Variants in TSHZ2 observed in about 807,000 individuals in gnomAD.
TSHZ2 encodes the protein teashirt homolog 2.
TSHZ2 carries 21 observed loss-of-function variants against 74.4 expected under a neutral mutation model. The ratio of observed to expected loss-of-function variants is 0.28; its 90% CI spans 0.20 to 0.41. The LOEUF (loss-of-function observed/expected upper bound fraction) is 0.41, where lower values mean the gene tolerates loss of function less well. Ranked by LOEUF, TSHZ2 falls within the 10% of genes least tolerant of loss-of-function variation. The probability of loss-of-function intolerance (pLI) is 1.00; values close to 1 mark genes in which losing one functional copy is unlikely to be tolerated. For missense variants in TSHZ2, 1,244 were observed against 1,293.5 expected (o/e 0.96, Z 0.59); for synonymous variants, 540 against 515.3 (o/e 1.05, Z -0.65).
chr20:53,133,912 G>T (rs1428217708), intron 1 of TSHZ2, among the ~76,000 whole-genome samples: 1 of 140,186 alleles, frequency 7.1e-6, no homozygotes, highest in African/African-American at 2.7e-5. Flanking sequence ...CCTTGTAAGG[G>T]TTCTTTATAA....
intron 1 of TSHZ2, among the ~76,000 whole-genome samples, chr20:53,114,321 C>T (rs1986612504): frequency 6.6e-6 from 1 of 152,122 alleles, no homozygotes; most frequent in African/African-American, 2.4e-5. Flanking sequence ...GGCTTTGGAA[C>T]TGTGTTTATA....
At chr20:53,421,956 C>T (rs576382744) in intron 2 of TSHZ2, among the ~76,000 whole-genome samples, 3 of 152,224 alleles carry the variant, frequency 2.0e-5, no homozygotes, top group East Asian at 1.9e-4. Flanking sequence ...GCTGGGATTA[C>T]AGGCATGAGC....
chr20:53,397,378 CTCA>C, intron 2 of TSHZ2, among the ~76,000 whole-genome samples: 1 of 152,294 alleles, frequency 6.6e-6, no homozygotes, highest in Middle Eastern at 3.4e-3. Context: ...TGAAAAAATG[CTCA>C]TCATCACTGG....
intron 2 of TSHZ2, among the ~76,000 whole-genome samples, chr20:53,342,500 A>G (rs1253940965): frequency 6.6e-6 from 1 of 152,120 alleles, no homozygotes; most frequent in South Asian, 2.1e-4. Flanking sequence ...ACTGGGGGCA[A>G]TGATTCCTTA....
chr20:53,346,858 C>G (rs1229227758), intron 2 of TSHZ2, among the ~76,000 whole-genome samples: 1 of 152,206 alleles, frequency 6.6e-6, no homozygotes, highest in African/African-American at 2.4e-5. Flanking sequence ...ATACCTGCCC[C>G]CACAGATACA....
intron 2 of TSHZ2, among the ~76,000 whole-genome samples, chr20:53,339,386 G>C (rs1212955033): frequency 6.6e-6 from 1 of 152,108 alleles, no homozygotes; most frequent in Non-Finnish European, 1.5e-5. Context: ...TTTTCTGGTG[G>C]TCAAGGGCCA....
intron 2 of TSHZ2, among the ~76,000 whole-genome samples, chr20:53,383,954 G>C (rs1981951045): frequency 6.6e-6 from 1 of 152,180 alleles, no homozygotes; most frequent in Admixed American, 6.5e-5. Flanking sequence ...AAGTAAGCCA[G>C]ATCCTACTTT....
At chr20:53,026,875 T>G (rs1188086625) in intron 1 of TSHZ2, among the ~76,000 whole-genome samples, 1 of 152,166 alleles carries the variant, frequency 6.6e-6, no homozygotes. Flanking sequence ...TAGTGGCTCA[T>G]GCCTGTAATC....
intron 1 of TSHZ2, among the ~76,000 whole-genome samples, chr20:53,017,856 C>T (rs1379590914): frequency 6.6e-6 from 1 of 152,142 alleles, no homozygotes; most frequent in Non-Finnish European, 1.5e-5. Context: ...TAGTAGTTAC[C>T]TAACATGTCT....
At chr20:53,338,611 GGC>G (rs765762677) in intron 2 of TSHZ2, among the ~76,000 whole-genome samples, 13 of 152,288 alleles carry the variant, frequency 8.5e-5, no homozygotes, top group Non-Finnish European at 1.8e-4. Context: ...ACTGGCATCT[GGC>G]AGATAGACAC....
At chr20:53,468,688 C>CAAAA (rs1158529552) in intron 2 of TSHZ2, among the ~76,000 whole-genome samples, 24 of 65,262 alleles carry the variant, frequency 3.7e-4, no homozygotes, top group East Asian at 5.3e-4. Context: ...CATTACGAGA[C>CAAAA]AAAAAAAAAA....
At chr20:53,128,093 G>A (rs1178304059) in intron 1 of TSHZ2, among the ~76,000 whole-genome samples, 1 of 152,060 alleles carries the variant, frequency 6.6e-6, no homozygotes, top group Non-Finnish European at 1.5e-5. Flanking sequence ...CATCTTGAGG[G>A]TGATTCCTAA....
chr20:53,391,419 A>G (rs1982251300), intron 2 of TSHZ2, among the ~76,000 whole-genome samples: 1 of 151,640 alleles, frequency 6.6e-6, no homozygotes, highest in South Asian at 2.1e-4. Context: ...TGCTGGGATT[A>G]CAGGTGTGAG....
intron 2 of TSHZ2, among the ~76,000 whole-genome samples, chr20:53,334,235 A>AG (rs1486065009): frequency 2.0e-5 from 3 of 152,162 alleles, no homozygotes. Flanking sequence ...AAATAAAGAG[A>AG]GAAAAAAACA....
At chr20:53,207,466 G>A (rs1021570268) in intron 1 of TSHZ2, among the ~76,000 whole-genome samples, 9 of 152,266 alleles carry the variant, frequency 5.9e-5, no homozygotes, top group Admixed American at 5.9e-4. Flanking sequence ...AGAAGCAGGA[G>A]GTCAGTAGAG....
intron 1 of TSHZ2, among the ~76,000 whole-genome samples, chr20:53,160,745 C>CAAAAAAAAAAAAAAAAAAAAAAAAAAAAA (rs10653039): frequency 1.0e-4 from 10 of 95,828 alleles, no homozygotes; most frequent in African/African-American, 4.2e-4. Flanking sequence ...ACTCTGTCTC[C>CAAAAAAAAAAAAAAAAAAAAAAAAAAAAA]AAAAAAAAAA....
chr20:53,403,860 C>T (rs1224864089), intron 2 of TSHZ2, among the ~76,000 whole-genome samples: 1 of 152,180 alleles, frequency 6.6e-6, no homozygotes, highest in Non-Finnish European at 1.5e-5. Context: ...CTTCTTCCTT[C>T]TGCTGAATGG....
intron 1 of TSHZ2, among the ~76,000 whole-genome samples, chr20:53,018,689 C>T (rs2256813): frequency 0.54 from 81,627 of 151,998 alleles, 22,780 homozygotes; most frequent in East Asian, 0.75. Context: ...CTGTGCTTCC[C>T]GTAGGCAAGA....
At chr20:53,443,981 G>A (rs1984445446) in intron 2 of TSHZ2, among the ~76,000 whole-genome samples, 1 of 152,146 alleles carries the variant, frequency 6.6e-6, no homozygotes, top group Non-Finnish European at 1.5e-5. Flanking sequence ...GAGAGGTTTG[G>A]AGAGAGGGAA....
Sources: allele counts gnomAD v4.1 joint callset (sites outside exome capture counted in the v4.1 genomes callset), GRCh38; gene constraint gnomAD v4.1.1; transcripts MANE v1.5; gene names NCBI Gene and HGNC (gene_info 2026-07-23, HGNC 2026-07-21).